The following EFHD1 variants were observed in gnomAD, a reference collection of about 807,000 sequenced individuals.
EFHD1 encodes the protein EF-hand domain family member D1.
Under a neutral mutation model 17.2 loss-of-function variants are expected in EFHD1, and 10 were observed. The ratio of observed to expected loss-of-function variants is 0.58; its 90% CI spans 0.36 to 0.99. EFHD1 has a LOEUF of 0.99. Among genes scored for constraint, EFHD1 ranks in the 50% least tolerant of loss-of-function variants. The pLI is 0.01. For synonymous variants in EFHD1, 153 were observed against 142.0 expected (o/e 1.08, Z -0.55); for missense variants, 310 against 327.5 (o/e 0.95, Z 0.41).
chr2:232,607,432 T>TAAA (rs747178365), intron 1 of EFHD1, among the ~76,000 whole-genome samples: 2 of 88,596 alleles, frequency 2.3e-5, no homozygotes, highest in Non-Finnish European at 4.5e-5. Flanking sequence ...TCCTAAAAAT[T>TAAA]AAAAAAAAAA....
intron 3 of EFHD1, among the ~76,000 whole-genome samples, chr2:232,676,415 G>C (rs1037387910): frequency 3.3e-5 from 5 of 152,144 alleles, no homozygotes; most frequent in Non-Finnish European, 7.4e-5. Context: ...TCCGGGATCT[G>C]TCTGCCCGGC....
chr2:232,613,805 T>C (rs950555162), intron 1 of EFHD1, among the ~76,000 whole-genome samples: 29 of 119,796 alleles, frequency 2.4e-4, no homozygotes, highest in African/African-American at 9.3e-4. Flanking sequence ...CACACAAAAA[T>C]ATACACACAT....
rs1393734669 is a variant in EFHD1 at position 232,633,748 on chromosome 2, G to T, written c.44G>T (p.Arg15Leu). 1.4e-6 allele frequency: 2 copies of T among 1,469,306 alleles called. No homozygotes were observed. The highest frequency in any genetic ancestry group is 2.9e-5 in the African/African-American group (2 of 68,156). The allele number at this position is 1,469,306 out of a possible 1,614,324, so 91.0% of individuals were successfully genotyped here. Residue 15 changes from arginine to leucine, a missense_variant, in exon 1 of 4, where the codon CGG becomes CTG. Arg to Leu is a moderately radical substitution (Grantham distance 102). Transcript: ENST00000264059. ...ELACKLERRL[R>L]REEAEESGPQ... ...GCGTGCAAGCTGGAGCGCCGGCTGC[G>T]GCGCGAGGAGGCCGAGGAGAGTGGC...
intron 1 of EFHD1, among the ~76,000 whole-genome samples, chr2:232,607,765 A>G (rs1693746821): frequency 6.7e-6 from 1 of 148,344 alleles, no homozygotes; most frequent in Admixed American, 6.8e-5. Context: ...AAAAAAAAGG[A>G]AAGAAAATAC....
intron 3 of EFHD1, among the ~76,000 whole-genome samples, chr2:232,679,071 G>GA (rs1027569290): frequency 6.6e-6 from 1 of 150,716 alleles, no homozygotes; most frequent in Non-Finnish European, 1.5e-5. Context: ...TGACAGGAAA[G>GA]AAAAAAAAAG....
At chr2:232,646,070 C>T (rs1196714674) in intron 1 of EFHD1, among the ~76,000 whole-genome samples, 1 of 152,226 alleles carries the variant, frequency 6.6e-6, no homozygotes. Context: ...GTAGTAGCTG[C>T]CTCAGACCTG....
chr2:232,680,339 A>G (rs1028634545), intron 3 of EFHD1, among the ~76,000 whole-genome samples: 9 of 149,840 alleles, frequency 6.0e-5, no homozygotes. Flanking sequence ...CACTCACAGA[A>G]TCAGTTCTAG....
chr2:232,616,666 T>G (rs1419072081), intron 1 of EFHD1, among the ~76,000 whole-genome samples: 1 of 152,162 alleles, frequency 6.6e-6, no homozygotes, highest in African/African-American at 2.4e-5. Flanking sequence ...GAATGGTGGT[T>G]GCATAGGGCT....
chr2:232,656,095 C>T (rs1331939928), intron 1 of EFHD1, among the ~76,000 whole-genome samples: 1 of 151,724 alleles, frequency 6.6e-6, no homozygotes, highest in Non-Finnish European at 1.5e-5. Context: ...CGTGAGCCAC[C>T]GTGCCCGGCC....
intron 1 of EFHD1, among the ~76,000 whole-genome samples, chr2:232,635,557 G>T (rs902394064): frequency 6.6e-6 from 1 of 152,158 alleles, no homozygotes; most frequent in African/African-American, 2.4e-5. Flanking sequence ...AGTGGCTTAC[G>T]GCTGTAATCC....
Position 232,620,552 on chromosome 2 carries a change from AT to A in EFHD1, c.14+14389del, listed in dbSNP as rs35098973. ...AGGTGTGTGCCATCACTCCTGTCTGATTTTTTTTTTGGTAGAGACAGGGTCT... is the reference window on the plus strand; with the variant it reads ...AGGTGTGTGCCATCACTCCTGTCTGATTTTTTTTTGGTAGAGACAGGGTCT... On this transcript the variant is annotated intron_variant, in intron 1 of 3. Transcript: ENST00000409613. 1.0e-2 allele frequency among the ~76,000 whole-genome samples: 1,472 copies of A among 147,394 alleles called. 9 individuals carry two copies. The highest frequency in any genetic ancestry group is 0.016 in the Non-Finnish European group (1,072 of 66,310).
intron 1 of EFHD1, among the ~76,000 whole-genome samples, chr2:232,652,831 G>A (rs1163007493): frequency 6.6e-6 from 1 of 152,120 alleles, no homozygotes; most frequent in Admixed American, 6.6e-5. Context: ...TGCAAATCCA[G>A]GCCCTAAAGG....
intron 1 of EFHD1, among the ~76,000 whole-genome samples, chr2:232,611,282 T>C (rs761269481): frequency 3.1e-4 from 43 of 140,572 alleles, no homozygotes; most frequent in Non-Finnish European, 6.0e-4. Flanking sequence ...CAGGGGCTTC[T>C]TGATAGAACA....
intron 1 of EFHD1, among the ~76,000 whole-genome samples, chr2:232,643,592 C>A (rs1164413311): frequency 6.6e-6 from 1 of 151,588 alleles, no homozygotes; most frequent in African/African-American, 2.4e-5. Flanking sequence ...CACCATGTTG[C>A]TGAGGCTGGT....
chr2:232,665,642 G>A (rs1015143991), intron 2 of EFHD1, among the ~76,000 whole-genome samples: 9 of 152,260 alleles, frequency 5.9e-5, no homozygotes, highest in South Asian at 4.2e-4. Flanking sequence ...GGCTGGTCTT[G>A]AACTCCTGGC....
chr2:232,656,821 TGCTGTCACCTAG>T (rs1474946025), intron 1 of EFHD1, among the ~76,000 whole-genome samples: 3 of 152,204 alleles, frequency 2.0e-5, no homozygotes, highest in African/African-American at 7.2e-5. Context: ...CAGGGTCGCA[TGCTGTCACCTAG>T]GCTGGAGTGA....
intron 1 of EFHD1, among the ~76,000 whole-genome samples, chr2:232,613,984 A>C (rs1216270654): frequency 2.0e-5 from 3 of 152,042 alleles, no homozygotes; most frequent in African/African-American, 7.2e-5. Flanking sequence ...ATACACACAC[A>C]CATACATACA....
intron 1 of EFHD1, among the ~76,000 whole-genome samples, chr2:232,648,205 T>G (rs1238707254): frequency 6.6e-6 from 1 of 152,124 alleles, no homozygotes; most frequent in Non-Finnish European, 1.5e-5. Flanking sequence ...TCACACTCAC[T>G]GCAGTGAGTG....
Position 232,633,849 on chromosome 2 carries a change from G to C in EFHD1, c.145G>C (p.Ala49Pro), listed in dbSNP as rs748342689. 6.7e-7 allele frequency: 1 copy of C among 1,500,562 alleles called. No individual in the cohort carries two copies. The allele number at this position is 1,500,562 out of a possible 1,614,324, so 93.0% of individuals were successfully genotyped here. A position where few individuals can be genotyped will look rare whatever the true frequency, so the allele number is the denominator to read the frequency against. Reference sequence around the variant, plus strand: ...CGAGCCTCCCGCCCGTGCGCCCACGGCCAGCGCCGACGCGGAGCTGAGCGC... The same window carrying C: ...CGAGCCTCCCGCCCGTGCGCCCACGCCCAGCGCCGACGCGGAGCTGAGCGC... The part of the protein sequence containing the change: ...EPEPPARAPT[A>P]SADAELSAQL... The change falls in exon 1 of 4, where the codon GCC (alanine) becomes CCC (proline). Residue 49 changes from alanine (A) to proline (P), a missense_variant. By Grantham distance (27) the Ala-to-Pro change is conservative (BLOSUM62 -1). Coordinates refer to ENST00000264059, the MANE Select transcript of EFHD1 (RefSeq NM_025202.4).
Sources: allele counts gnomAD v4.1 joint callset (sites outside exome capture counted in the v4.1 genomes callset), GRCh38; gene constraint gnomAD v4.1.1; transcripts MANE v1.5; gene names NCBI Gene and HGNC (gene_info 2026-07-23, HGNC 2026-07-21).